The following CACNA1E variants were observed in gnomAD, a reference collection of about 807,000 sequenced individuals.
The protein encoded by CACNA1E is calcium voltage-gated channel subunit alpha1 E.
Under a neutral mutation model 259.2 loss-of-function variants are expected in CACNA1E, and 40 were observed. The ratio of observed to expected loss-of-function variants is 0.15; its 90% CI spans 0.12 to 0.20. The LOEUF is 0.20. CACNA1E is among the 10% of genes least tolerant of loss of function. CACNA1E has a pLI of 1.00. For missense variants in CACNA1E, 1,874 were observed against 3,040.1 expected (o/e 0.62, Z 9.02); for synonymous variants, 1,104 against 1,138.5 (o/e 0.97, Z 0.61).
chr1:181,704,977 C>T (rs936292444), intron 7 of CACNA1E, among the ~76,000 whole-genome samples: 2 of 152,164 alleles, frequency 1.3e-5, no homozygotes, highest in East Asian at 1.9e-4. Flanking sequence ...ACATTTCAGG[C>T]TGGAGCTAGG....
chr1:181,367,325 A>T (rs1262092470), intron 1 of CACNA1E, among the ~76,000 whole-genome samples: 1 of 151,206 alleles, frequency 6.6e-6, no homozygotes, highest in Admixed American at 6.6e-5. Context: ...CTTTCAAACT[A>T]ATTTTTTTTT....
intron 3 of CACNA1E, among the ~76,000 whole-genome samples, chr1:181,549,093 C>G (rs1471741343): frequency 1.3e-5 from 2 of 152,112 alleles, no homozygotes; most frequent in African/African-American, 2.4e-5. Flanking sequence ...CTGCATTTTA[C>G]AAATAAAAAA....
At chr1:181,464,313 G>A (rs370979962) in intron 2 of CACNA1E, among the ~76,000 whole-genome samples, 26 of 149,588 alleles carry the variant, frequency 1.7e-4, no homozygotes, top group African/African-American at 6.3e-4. Context: ...AGGGAGCCTT[G>A]CCATATTTAA....
At chr1:181,371,380 G>A (rs1654701505) in intron 1 of CACNA1E, among the ~76,000 whole-genome samples, 1 of 152,136 alleles carries the variant, frequency 6.6e-6, no homozygotes, top group South Asian at 2.1e-4. Flanking sequence ...TCCCACCTCA[G>A]CCTATGGAAC....
chr1:181,563,025 C>A (rs191047754), intron 3 of CACNA1E, among the ~76,000 whole-genome samples: 6 of 152,192 alleles, frequency 3.9e-5, no homozygotes, highest in Admixed American at 6.5e-5. Flanking sequence ...CTCAGAAGTA[C>A]TAGAATGAAT....
intron 3 of CACNA1E, among the ~76,000 whole-genome samples, chr1:181,566,960 G>A (rs746715073): frequency 1.3e-5 from 2 of 152,036 alleles, no homozygotes; most frequent in Admixed American, 1.3e-4. Context: ...GTGGTTAGAG[G>A]CCAGAGATGC....
At chr1:181,702,741 C>T (rs185724322) in intron 7 of CACNA1E, among the ~76,000 whole-genome samples, 4 of 152,276 alleles carry the variant, frequency 2.6e-5, no homozygotes, top group Admixed American at 2.6e-4. Flanking sequence ...CTGCATGGCT[C>T]ACTTCCTCAC....
intron 7 of CACNA1E, among the ~76,000 whole-genome samples, chr1:181,700,417 G>A (rs189534345): frequency 6.6e-6 from 1 of 152,308 alleles, no homozygotes; most frequent in East Asian, 1.9e-4. Flanking sequence ...TGCCCGTAGT[G>A]TGTGGTGCAC....
chr1:181,459,995 C>T lies in CACNA1E; in HGVS notation c.435-23749C>T, dbSNP rs151259281. Among the ~76,000 whole-genome samples, 274 of 152,284 alleles carry T rather than the reference C, an allele frequency of 1.8e-3. 1 individual carries two copies. The highest frequency in any genetic ancestry group is 3.2e-3 in the Non-Finnish European group (217 of 68,024). ...CATATTGGCTCTCCCTCCTTGCCTG[C>T]CTTACTTCCCTTTTCCCTCACTCCT... On this transcript the variant is annotated intron_variant, in intron 2 of 11. Transcript: ENST00000524607.
intron 3 of CACNA1E, among the ~76,000 whole-genome samples, chr1:181,563,051 CTAAAAA>C (rs1430156117): frequency 6.6e-6 from 1 of 152,112 alleles, no homozygotes; most frequent in East Asian, 1.9e-4. Context: ...CTTAATAACT[CTAAAAA>C]TAAAAAGCAT....
chr1:181,539,733 A>G (rs1264987904), intron 3 of CACNA1E, among the ~76,000 whole-genome samples: 1 of 152,204 alleles, frequency 6.6e-6, no homozygotes, highest in African/African-American at 2.4e-5. Context: ...CTGAGCAGTA[A>G]CCTCTGAATA....
At chr1:181,486,265 T>A (rs762135644) in intron 1 of CACNA1E, among the ~76,000 whole-genome samples, 2 of 152,256 alleles carry the variant, frequency 1.3e-5, no homozygotes, top group Non-Finnish European at 1.5e-5. Context: ...TGGTCTCTTT[T>A]GTCTGCATAG....
chr1:181,652,567 T>C (rs1266280878), intron 7 of CACNA1E, among the ~76,000 whole-genome samples: 1 of 152,204 alleles, frequency 6.6e-6, no homozygotes, highest in African/African-American at 2.4e-5. Flanking sequence ...GTTTAGGGAA[T>C]GCCAGTAAAA....
chr1:181,552,797 G>A lies in CACNA1E; in HGVS notation c.513-24969G>A, dbSNP rs1342988995. Among the ~76,000 whole-genome samples the A allele has an allele frequency of 2.0e-5, 3 of 151,240 alleles. No individual in the cohort carries two copies. The South Asian group carries it at 6.2e-4, about 31-fold the overall frequency. On this transcript the variant is annotated intron_variant, in intron 3 of 47. Transcript: ENST00000367573. ...CCCCCACCCCCTAACAGGCCCCTTT[G>A]CAGGGACATGGATATTTTGGTGTTA...
At chr1:181,455,988 T>C (rs1248875073) in intron 2 of CACNA1E, among the ~76,000 whole-genome samples, 1 of 152,174 alleles carries the variant, frequency 6.6e-6, no homozygotes, top group African/African-American at 2.4e-5. Context: ...TTCGGATGGT[T>C]ACCATTGACT....
In CACNA1E at chr1:181,807,348, A is replaced by G. The variant is rs1457669168; in HGVS notation, c.*8514A>G. 1.3e-5 allele frequency: 2 copies of G among 152,096 alleles called. No homozygotes were observed. Among genetic ancestry groups the G allele is most frequent in the African/African-American group, 2.4e-5 (1 of 41,386 alleles). The allele number at this position is 152,096 out of a possible 1,614,324, so 9.4% of individuals were successfully genotyped here. A position where few individuals can be genotyped will look rare whatever the true frequency, so the allele number is the denominator to read the frequency against. ...AACTATGACCAGCCTCCTCTGAAAA[A>G]AGGTGGGGGGATTATAGGGCACCAG... On this transcript the variant is annotated 3_prime_UTR_variant, in exon 48 of 48. Coordinates refer to ENST00000367573, the MANE Select transcript of CACNA1E (RefSeq NM_001205293.3).
chr1:181,599,126 C>T (rs1572338724), intron 6 of CACNA1E, among the ~76,000 whole-genome samples: 1 of 151,976 alleles, frequency 6.6e-6, no homozygotes. Context: ...TCTTGCCCTC[C>T]GATAGGCCCC....
chr1:181,657,883 T>C (rs1220171984), intron 7 of CACNA1E, among the ~76,000 whole-genome samples: 1 of 152,254 alleles, frequency 6.6e-6, no homozygotes, highest in Non-Finnish European at 1.5e-5. Context: ...GTTGGCATTC[T>C]TTGTTCGTGC....
intron 17 of CACNA1E, among the ~76,000 whole-genome samples, chr1:181,725,333 T>C (rs1572708984): frequency 6.6e-6 from 1 of 152,242 alleles, no homozygotes; most frequent in South Asian, 2.1e-4. Flanking sequence ...ATTGGCTGTG[T>C]TGGCTTTGCT....
Sources: allele counts gnomAD v4.1 joint callset (sites outside exome capture counted in the v4.1 genomes callset), GRCh38; gene constraint gnomAD v4.1.1; transcripts MANE v1.5; gene names NCBI Gene and HGNC (gene_info 2026-07-23, HGNC 2026-07-21).